Variants in DESI2 observed in about 807,000 individuals in gnomAD.
DESI2 encodes the protein desumoylating isopeptidase 2, also known as deubiquitinase DESI2.
A neutral mutation model predicts 24.1 loss-of-function variants in DESI2; 10 were observed. That is an observed-to-expected ratio of 0.41 (90% CI 0.26 to 0.70). The LOEUF is 0.70. Among genes scored for constraint, DESI2 ranks in the 30% least tolerant of loss-of-function variants. The pLI, the probability that DESI2 is intolerant of heterozygous loss-of-function variation, is 0.29. For missense variants in DESI2, 122 were observed against 234.9 expected, an observed-to-expected ratio of 0.52 and a Z score of 3.14; for synonymous variants, 71 against 87.7, an observed-to-expected ratio of 0.81 and a Z score of 1.06.
chr1:244,671,104 A>G (rs920427442), intron 1 of DESI2, among the ~76,000 whole-genome samples: 1 of 152,218 alleles, frequency 6.6e-6, no homozygotes, highest in Non-Finnish European at 1.5e-5. Context: ...TAACTCTTCT[A>G]CTGTTTCGCG....
chr1:244,665,732 C>T (rs1046049697), intron 1 of DESI2, among the ~76,000 whole-genome samples: 1 of 152,204 alleles, frequency 6.6e-6, no homozygotes, highest in African/African-American at 2.4e-5. Flanking sequence ...CAAGGAAGAA[C>T]GAATTTTGGC....
Position 244,689,400 on chromosome 1 carries a change from G to C in DESI2, c.209+58G>C. ...CTTAGGTGCCATAGCTTGTTTTCAG[G>C]TATACAGAATTCATTCTGTAAATCA... On this transcript the variant is annotated intron_variant, in intron 3 of 4. Transcript: ENST00000302550. This position sits in a 1 kb window ranked among gnomAD's most constrained non-coding sequence, Gnocchi z 4.0. 4 of 810,554 alleles carry C rather than the reference G, an allele frequency of 4.9e-6. No homozygotes were observed. Among genetic ancestry groups the C allele is most frequent in the Non-Finnish European group, 8.4e-6 (4 of 476,772 alleles). The allele number at this position is 810,554 out of a possible 1,614,324, so 50.2% of individuals were successfully genotyped here. A position where few individuals can be genotyped will look rare whatever the true frequency, so the allele number is the denominator to read the frequency against.
chr1:244,659,323 A>G (rs1675757389), intron 1 of DESI2, among the ~76,000 whole-genome samples: 3 of 152,202 alleles, frequency 2.0e-5, no homozygotes, highest in Admixed American at 1.3e-4. Flanking sequence ...CAAATTTATC[A>G]TCTCACACTT....
intron 1 of DESI2, among the ~76,000 whole-genome samples, chr1:244,665,697 G>A (rs1676016638): frequency 6.6e-6 from 1 of 152,190 alleles, no homozygotes; most frequent in African/African-American, 2.4e-5. Flanking sequence ...TCAGTTGAAG[G>A]CCTTAAAAGA....
At chr1:244,700,832 T>C (rs1236700628) in intron 4 of DESI2, among the ~76,000 whole-genome samples, 1 of 152,210 alleles carries the variant, frequency 6.6e-6, no homozygotes, top group African/African-American at 2.4e-5. Flanking sequence ...AGAATAATAG[T>C]GTTACCATAA....
intron 1 of DESI2, among the ~76,000 whole-genome samples, chr1:244,659,880 G>A (rs751198673): frequency 2.0e-5 from 3 of 152,290 alleles, no homozygotes; most frequent in South Asian, 2.1e-4. Flanking sequence ...GCAGTCACTC[G>A]ACTTGGCATA....
intron 4 of DESI2, chr1:244,694,633 T>G: frequency 1.2e-6 from 1 of 842,406 alleles, no homozygotes; most frequent in Non-Finnish European, 2.1e-6. Context: ...CAGGTCAACT[T>G]CTGAAGGTGG....
intron 4 of DESI2, among the ~76,000 whole-genome samples, chr1:244,701,373 A>G (rs1321842786): frequency 6.6e-6 from 1 of 152,178 alleles, no homozygotes; most frequent in African/African-American, 2.4e-5. Context: ...CAATCCCATG[A>G]CATACGCAAG....
At chr1:244,699,728 C>T (rs1249006045) in intron 4 of DESI2, among the ~76,000 whole-genome samples, 6 of 151,634 alleles carry the variant, frequency 4.0e-5, no homozygotes, top group African/African-American at 1.2e-4. Context: ...ATGGGACATA[C>T]TGATTTTGTA....
intron 4 of DESI2, among the ~76,000 whole-genome samples, chr1:244,698,811 GGGAACC>G (rs1238290973): frequency 6.6e-6 from 1 of 152,230 alleles, no homozygotes; most frequent in Admixed American, 6.5e-5. Context: ...AGGTGTCCAT[GGGAACC>G]GGCTTCTCTG....
intron 1 of DESI2, among the ~76,000 whole-genome samples, chr1:244,663,010 A>G (rs962838664): frequency 6.6e-6 from 1 of 152,220 alleles, no homozygotes; most frequent in Admixed American, 6.5e-5. Context: ...CACAAAAATG[A>G]AAAGCACCAT....
intron 4 of DESI2, among the ~76,000 whole-genome samples, chr1:244,699,911 CTA>C (rs1677377326): frequency 6.6e-6 from 1 of 152,194 alleles, no homozygotes; most frequent in African/African-American, 2.4e-5. Flanking sequence ...GTGCTCAAAC[CTA>C]TGAGAGCAGG....
chr1:244,655,826 T>A (rs1374380276), intron 1 of DESI2, among the ~76,000 whole-genome samples: 2 of 152,176 alleles, frequency 1.3e-5, no homozygotes, highest in African/African-American at 4.8e-5. Flanking sequence ...GAGTAGAGCA[T>A]AAATGAAAGG....
intron 1 of DESI2, among the ~76,000 whole-genome samples, chr1:244,668,835 T>C (rs1378942496): frequency 1.3e-5 from 2 of 152,040 alleles, no homozygotes; most frequent in Non-Finnish European, 2.9e-5. Flanking sequence ...TGAATGAAAA[T>C]ATTTAGGCCA....
chr1:244,674,728 G>A (rs1156880382), intron 1 of DESI2, among the ~76,000 whole-genome samples: 2 of 152,098 alleles, frequency 1.3e-5, no homozygotes, highest in Non-Finnish European at 2.9e-5. Flanking sequence ...TGCGTTTCAT[G>A]GATAATACCA....
chr1:244,657,959 T>C (rs1302163007), intron 1 of DESI2, among the ~76,000 whole-genome samples: 3 of 152,224 alleles, frequency 2.0e-5, no homozygotes, highest in Non-Finnish European at 4.4e-5. Flanking sequence ...CTAACCTTTA[T>C]GGTGAGTTGT....
At chr1:244,685,341 A>G (rs1455737997) in intron 1 of DESI2, among the ~76,000 whole-genome samples, 1 of 152,158 alleles carries the variant, frequency 6.6e-6, no homozygotes, top group Non-Finnish European at 1.5e-5. Flanking sequence ...TTTTGTCAAC[A>G]TGCTTTTAGT....
chr1:244,695,781 C>A (rs928851907), intron 4 of DESI2, among the ~76,000 whole-genome samples: 2 of 152,124 alleles, frequency 1.3e-5, no homozygotes, highest in Non-Finnish European at 2.9e-5. Flanking sequence ...TGAAACAAAT[C>A]CCAGATTTCA....
At chr1:244,662,408 A>G (rs1212951715) in intron 1 of DESI2, among the ~76,000 whole-genome samples, 2 of 152,236 alleles carry the variant, frequency 1.3e-5, no homozygotes, top group African/African-American at 2.4e-5. Flanking sequence ...ATATATACCC[A>G]GAAGTCCATA....
Sources: gnomAD v4.1 joint callset for allele counts (sites outside exome capture counted in the v4.1 genomes callset) on GRCh38, gnomAD v4.1.1 for gene constraint, Gnocchi (gnomAD v3.1) non-coding constraint, MANE v1.5 for transcripts, NCBI Gene and HGNC (gene_info 2026-07-23, HGNC 2026-07-21) for gene names.